The following TDRD7 variants were observed in gnomAD, a reference collection of about 807,000 sequenced individuals.
The protein encoded by TDRD7 is tudor domain containing 7, also known as tudor domain-containing protein 7.
TDRD7 carries 47 observed loss-of-function variants against 109.8 expected under a neutral mutation model. The ratio of observed to expected loss-of-function variants is 0.43; its 90% CI spans 0.34 to 0.55. TDRD7 has a LOEUF of 0.55. Among genes scored for constraint, TDRD7 ranks in the 20% least tolerant of loss-of-function variants. The probability of loss-of-function intolerance (pLI) is 0.03; values close to 1 mark genes in which losing one functional copy is unlikely to be tolerated. For synonymous variants in TDRD7, 424 were observed against 457.3 expected, an observed-to-expected ratio of 0.93 and a Z score of 0.93; for missense variants, 1,164 against 1,319.2, an observed-to-expected ratio of 0.88 and a Z score of 1.82.
intron 1 of TDRD7, among the ~76,000 whole-genome samples, chr9:97,422,133 CT>C: frequency 6.6e-6 from 1 of 152,316 alleles, no homozygotes; most frequent in East Asian, 1.9e-4. Context: ...TGGCTCACAC[CT>C]GTAATCCCAG....
At position 97,441,884 on chromosome 9, in the gene TDRD7, T is replaced by G; in HGVS notation, c.855+9T>G. Reference sequence around the variant, plus strand: ...GGCCTCATATTTGCACGGTATGTTTTTCCTTATTCCTCCCTTCTGATACCT... The same window carrying G: ...GGCCTCATATTTGCACGGTATGTTTGTCCTTATTCCTCCCTTCTGATACCT... On this transcript the variant is annotated intron_variant, in intron 6 of 16. Transcript: ENST00000355295. The G allele has an allele frequency of 1.2e-6, 2 of 1,610,902 alleles. No homozygotes were observed. The highest frequency in any genetic ancestry group is 2.2e-5 in the South Asian group (2 of 91,002).
chr9:97,468,112 G>A (rs1351216461), intron 8 of TDRD7, among the ~76,000 whole-genome samples: 1 of 152,250 alleles, frequency 6.6e-6, no homozygotes, highest in Non-Finnish European at 1.5e-5. Flanking sequence ...TGAATTTGGA[G>A]CTCAGGGAGC....
Position 97,465,018 on chromosome 9 carries a change from A to G in TDRD7, c.1619A>G (p.Asn540Ser). The G allele has an allele frequency of 1.9e-6, 3 of 1,613,932 alleles. No individual in the cohort carries two copies. The highest frequency in any genetic ancestry group is 1.1e-5 in the South Asian group (1 of 91,052). ...GCACAGGTCATCTCAACAGAAGAGA[A>G]CAAAATAAAGGCAAGCACTGTTTAC... is the stretch of plus-strand genomic sequence containing the variant. Reference protein sequence around the residue: ...LRAQVISTEENKIKVCYVDYG... With the variant: ...LRAQVISTEESKIKVCYVDYG... The change falls in exon 8 of 17, where the codon AAC becomes AGC. Residue 540 changes from asparagine to serine, a missense_variant. Asn to Ser is a conservative substitution (Grantham distance 46, BLOSUM62 1). Coordinates refer to ENST00000355295, the MANE Select transcript of TDRD7 (RefSeq NM_014290.3).
intron 7 of TDRD7, among the ~76,000 whole-genome samples, chr9:97,461,064 T>C (rs942063532): frequency 6.6e-6 from 1 of 151,726 alleles, no homozygotes; most frequent in Non-Finnish European, 1.5e-5. Context: ...TGGTGTCAAC[T>C]TGGGAGGTGG....
rs151175592 is a variant in TDRD7 at position 97,412,782 on chromosome 9, C to G, written c.-7+544C>G. Among the ~76,000 whole-genome samples the G allele has an allele frequency of 6.6e-6, 1 of 152,170 alleles. No homozygotes were observed. Among genetic ancestry groups the G allele is most frequent in the African/African-American group, 2.4e-5 (1 of 41,432 alleles). On this transcript the variant is annotated intron_variant, in intron 1 of 16. Transcript: ENST00000355295. This position sits in a 1 kb window ranked among gnomAD's most constrained non-coding sequence, Gnocchi z 4.3. ...ATGCAGGACACACATCCCCATTTCT[C>G]TCAAACGAGGAGCACCCAGTGGGTA... is the stretch of plus-strand genomic sequence containing the variant.
At chr9:97,468,162 A>G (rs1040887151) in intron 8 of TDRD7, among the ~76,000 whole-genome samples, 1 of 152,248 alleles carries the variant, frequency 6.6e-6, no homozygotes, top group South Asian at 2.1e-4. Context: ...AGGCATCAGC[A>G]TATAGGTGCT....
chr9:97,442,790 G>A (rs1383117714), intron 6 of TDRD7, among the ~76,000 whole-genome samples: 1 of 151,214 alleles, frequency 6.6e-6, no homozygotes, highest in Admixed American at 6.6e-5. Flanking sequence ...AAGAAAGCAT[G>A]TATTTTTTTT....
chr9:97,465,591 A>T (rs970745864), intron 8 of TDRD7, among the ~76,000 whole-genome samples: 2 of 152,184 alleles, frequency 1.3e-5, no homozygotes, highest in Non-Finnish European at 2.9e-5. Flanking sequence ...CATACTGTCA[A>T]TGCAGAGACC....
At chr9:97,465,782 A>G (rs1048573335) in intron 8 of TDRD7, among the ~76,000 whole-genome samples, 4 of 152,094 alleles carry the variant, frequency 2.6e-5, no homozygotes, top group African/African-American at 9.7e-5. Flanking sequence ...TTATCCTTTG[A>G]ATAATGGGCC....
intron 16 of TDRD7, among the ~76,000 whole-genome samples, chr9:97,493,336 G>C (rs1050369121): frequency 6.6e-6 from 1 of 152,068 alleles, no homozygotes; most frequent in African/African-American, 2.4e-5. Context: ...GGGTGTCCGG[G>C]GGAGACATCA....
intron 11 of TDRD7, among the ~76,000 whole-genome samples, chr9:97,474,248 T>C (rs1455002536): frequency 2.6e-5 from 4 of 152,166 alleles, no homozygotes; most frequent in Non-Finnish European, 4.4e-5. Flanking sequence ...TTTCCTTACC[T>C]CCATTAGGAC....
chr9:97,469,099 G>C (rs146773534), intron 8 of TDRD7, among the ~76,000 whole-genome samples: 1 of 152,176 alleles, frequency 6.6e-6, no homozygotes, highest in African/African-American at 2.4e-5. Flanking sequence ...TTTCCCAGGA[G>C]TCATGATTTC....
chr9:97,421,029 G>T (rs1273823256), intron 1 of TDRD7, among the ~76,000 whole-genome samples: 3 of 151,932 alleles, frequency 2.0e-5, no homozygotes, highest in African/African-American at 4.8e-5. Flanking sequence ...CAGCAACTCG[G>T]GAGGCTGAGA....
intron 15 of TDRD7, 30 bp downstream of exon 15, chr9:97,483,381 A>G: frequency 6.2e-7 from 1 of 1,609,834 alleles, no homozygotes; most frequent in Non-Finnish European, 8.5e-7. Context: ...ATTTTATTCT[A>G]CTCCTAAGAA....
At chr9:97,458,848 C>A (rs1387707383) in intron 6 of TDRD7, among the ~76,000 whole-genome samples, 1 of 152,158 alleles carries the variant, frequency 6.6e-6, no homozygotes, top group African/African-American at 2.4e-5. Flanking sequence ...AACAAGATAG[C>A]GCCTTCTTTC....
intron 8 of TDRD7, among the ~76,000 whole-genome samples, chr9:97,467,230 G>A (rs1828835344): frequency 6.6e-6 from 1 of 152,170 alleles, no homozygotes; most frequent in Admixed American, 6.5e-5. Flanking sequence ...ATGAAGAGAA[G>A]AATCATACGT....
intron 5 of TDRD7, among the ~76,000 whole-genome samples, chr9:97,441,404 C>G (rs945332949): frequency 6.6e-6 from 1 of 152,068 alleles, no homozygotes; most frequent in South Asian, 2.1e-4. Context: ...TATGAAGCAT[C>G]CTTGCAAAAT....
chr9:97,492,907 G>A (rs1290119771), intron 16 of TDRD7, among the ~76,000 whole-genome samples: 1 of 152,236 alleles, frequency 6.6e-6, no homozygotes, highest in Non-Finnish European at 1.5e-5. Flanking sequence ...ATCCACTAGA[G>A]AGAAGCGAGG....
chr9:97,468,945 A>G (rs1485370738), intron 8 of TDRD7, among the ~76,000 whole-genome samples: 1 of 152,252 alleles, frequency 6.6e-6, no homozygotes, highest in Non-Finnish European at 1.5e-5. Flanking sequence ...TGCATGGACA[A>G]GTGTTTTATA....
Sources: gnomAD v4.1 joint callset for allele counts (sites outside exome capture counted in the v4.1 genomes callset) on GRCh38, gnomAD v4.1.1 for gene constraint, Gnocchi (gnomAD v3.1) non-coding constraint, MANE v1.5 for transcripts, NCBI Gene and HGNC (gene_info 2026-07-23, HGNC 2026-07-21) for gene names.